The following FAF1 variants were observed in gnomAD, a reference collection of about 807,000 sequenced individuals.
FAF1 encodes Fas associated factor 1, also known as FAS-associated factor 1.
In FAF1, 25 loss-of-function variants were observed where a neutral mutation model predicts 92.5. The observed-to-expected ratio is 0.27, with a 90% CI of 0.20 to 0.38. The LOEUF is 0.38. FAF1 is among the 10% of genes least tolerant of loss of function. The pLI is 1.00. For missense variants in FAF1, 636 were observed against 793.3 expected (o/e 0.80, Z 2.38); for synonymous variants, 234 against 273.2 (o/e 0.86, Z 1.42).
At chr1:50,559,336 T>A (rs1649756442) in intron 13 of FAF1, among the ~76,000 whole-genome samples, 1 of 152,226 alleles carries the variant, frequency 6.6e-6, no homozygotes, top group Admixed American at 6.5e-5. Context: ...GACTGACTTA[T>A]TCTCAATTGT....
At chr1:50,895,110 GAAAAA>G (rs1043749242) in intron 1 of FAF1, among the ~76,000 whole-genome samples, 1 of 149,980 alleles carries the variant, frequency 6.7e-6, no homozygotes, top group Non-Finnish European at 1.5e-5. Context: ...TTTTAGAAAA[GAAAAA>G]AAAATTGACA....
intron 7 of FAF1, among the ~76,000 whole-genome samples, chr1:50,686,241 C>A (rs1656650642): frequency 6.6e-6 from 1 of 152,066 alleles, no homozygotes; most frequent in Non-Finnish European, 1.5e-5. Context: ...AAATATGTCC[C>A]CTTTAAAAAA....
chr1:50,739,769 T>G (rs909757505), intron 5 of FAF1, among the ~76,000 whole-genome samples: 1 of 152,126 alleles, frequency 6.6e-6, no homozygotes, highest in African/African-American at 2.4e-5. Context: ...CCTATATATC[T>G]TTTACTCCAG....
At chr1:50,780,736 C>G (rs777239720) in intron 4 of FAF1, 53 of 293,030 alleles carry the variant, frequency 1.8e-4, no homozygotes, top group Non-Finnish European at 2.7e-4. Flanking sequence ...GTGACTTGCT[C>G]TGATGCTGGA....
chr1:50,606,485 G>A (rs1412193599), intron 8 of FAF1, among the ~76,000 whole-genome samples: 1 of 125,888 alleles, frequency 7.9e-6, no homozygotes, highest in African/African-American at 2.9e-5. Context: ...AGCTGTGAGA[G>A]TTGCTTTTTT....
At chr1:50,673,656 T>A (rs918815932) in intron 7 of FAF1, among the ~76,000 whole-genome samples, 5 of 152,170 alleles carry the variant, frequency 3.3e-5, no homozygotes, top group African/African-American at 1.2e-4. Context: ...TTCTTTATTT[T>A]AGATGGGTTG....
chr1:50,533,548 C>G (rs1648295511), intron 15 of FAF1, among the ~76,000 whole-genome samples: 1 of 152,174 alleles, frequency 6.6e-6, no homozygotes, highest in Non-Finnish European at 1.5e-5. Context: ...CTCTTGCTCT[C>G]AGTTTAATGT....
At chr1:50,780,919 G>A in intron 4 of FAF1, 1 of 489,538 alleles carries the variant, frequency 2.0e-6, no homozygotes. Context: ...AGCAGACAGG[G>A]CCAGAATTGT....
chr1:50,777,575 T>A (rs1252724463), intron 4 of FAF1, among the ~76,000 whole-genome samples: 2 of 152,086 alleles, frequency 1.3e-5, no homozygotes, highest in Non-Finnish European at 2.9e-5. Flanking sequence ...AAAACACAGA[T>A]ACGGTAAACT....
intron 18 of FAF1, among the ~76,000 whole-genome samples, chr1:50,458,239 G>T (rs1385158772): frequency 1.3e-5 from 2 of 152,000 alleles, no homozygotes; most frequent in African/African-American, 4.8e-5. Flanking sequence ...ATTTTGAAAA[G>T]GTTTAAGTAT....
intron 1 of FAF1, among the ~76,000 whole-genome samples, chr1:50,901,205 C>A (rs978601508): frequency 6.6e-6 from 1 of 152,140 alleles, no homozygotes; most frequent in African/African-American, 2.4e-5. Context: ...TAGGATTCCA[C>A]CTGCAGGGCT....
chr1:50,796,895 C>T (rs988291770), intron 3 of FAF1, among the ~76,000 whole-genome samples: 3 of 152,010 alleles, frequency 2.0e-5, no homozygotes, highest in African/African-American at 7.3e-5. Flanking sequence ...TTTGGGAGGC[C>T]GAGGCAGGAG....
intron 7 of FAF1, among the ~76,000 whole-genome samples, chr1:50,687,125 G>A (rs906565113): frequency 3.3e-5 from 5 of 152,050 alleles, no homozygotes; most frequent in African/African-American, 7.2e-5. Context: ...CATGGTGCCC[G>A]ACCTGAAACT....
intron 15 of FAF1, among the ~76,000 whole-genome samples, chr1:50,500,235 G>A (rs1396822929): frequency 6.6e-6 from 1 of 151,980 alleles, no homozygotes; most frequent in Non-Finnish European, 1.5e-5. Context: ...AACTAAATTA[G>A]AGGACTTATA....
At chr1:50,650,199 G>A (rs540279457) in intron 8 of FAF1, among the ~76,000 whole-genome samples, 43 of 147,170 alleles carry the variant, frequency 2.9e-4, no homozygotes, top group Non-Finnish European at 4.6e-4. Flanking sequence ...CAGGAGAATC[G>A]TTTGAATCCG....
chr1:50,914,556 T>C (rs1644907191), intron 1 of FAF1, among the ~76,000 whole-genome samples: 1 of 152,224 alleles, frequency 6.6e-6, no homozygotes. Context: ...TTTATGCCTT[T>C]ATGCTTAGGC....
intron 1 of FAF1, among the ~76,000 whole-genome samples, chr1:50,885,089 T>C (rs1644647631): frequency 6.6e-6 from 1 of 152,224 alleles, no homozygotes; most frequent in Non-Finnish European, 1.5e-5. Context: ...AATGAACCTT[T>C]GAATTTCCAC....
intron 12 of FAF1, among the ~76,000 whole-genome samples, chr1:50,577,894 A>G (rs1431714847): frequency 6.6e-6 from 1 of 152,226 alleles, no homozygotes; most frequent in African/African-American, 2.4e-5. Context: ...TTCGTACAGT[A>G]CTGTAAATTC....
intron 14 of FAF1, 140 bp from the exon 15 acceptor site, chr1:50,535,597 CTT>C (rs1648434056): frequency 1.9e-6 from 1 of 539,308 alleles, no homozygotes; most frequent in South Asian, 3.2e-5. Flanking sequence ...AGTTAAAATA[CTT>C]TTGTGGTTTT....
Sources: allele counts gnomAD v4.1 joint callset (sites outside exome capture counted in the v4.1 genomes callset), GRCh38; gene constraint gnomAD v4.1.1; transcripts MANE v1.5; gene names NCBI Gene and HGNC (gene_info 2026-07-23, HGNC 2026-07-21).